FNDC3B: variants seen among roughly 807,000 people sequenced by gnomAD.
FNDC3B encodes the protein fibronectin type III domain-containing protein 3B.
Under a neutral mutation model 151.5 loss-of-function variants are expected in FNDC3B, and 12 were observed. That is an observed-to-expected ratio of 0.08 (90% CI 0.05 to 0.13). The LOEUF (loss-of-function observed/expected upper bound fraction) is 0.13, where lower values mean the gene tolerates loss of function less well. Among genes scored for constraint, FNDC3B ranks in the 10% least tolerant of loss-of-function variants. The pLI, the probability that FNDC3B is intolerant of heterozygous loss-of-function variation, is 1.00. For synonymous variants in FNDC3B, 528 were observed against 549.0 expected (o/e 0.96, Z 0.54); for missense variants, 1,214 against 1,505.3 (o/e 0.81, Z 3.20).
chr3:172,262,862 C>A (rs1728718732), intron 6 of FNDC3B, among the ~76,000 whole-genome samples: 1 of 131,412 alleles, frequency 7.6e-6, no homozygotes, highest in Non-Finnish European at 1.5e-5. Flanking sequence ...ATGCCACTGC[C>A]CTTTCGCCTA....
chr3:172,344,535 C>T (rs1249565416), intron 19 of FNDC3B, among the ~76,000 whole-genome samples: 1 of 152,206 alleles, frequency 6.6e-6, no homozygotes. Flanking sequence ...ATATTTTCGA[C>T]AGTTTTTGGA....
chr3:172,261,472 A>G (rs1365453790), intron 6 of FNDC3B, among the ~76,000 whole-genome samples: 1 of 152,244 alleles, frequency 6.6e-6, no homozygotes, highest in East Asian at 1.9e-4. Context: ...AGTCTATACT[A>G]CAAATATGTT....
intron 2 of FNDC3B, among the ~76,000 whole-genome samples, chr3:172,125,550 C>T (rs1340547030): frequency 6.6e-6 from 1 of 152,082 alleles, no homozygotes; most frequent in Non-Finnish European, 1.5e-5. Context: ...CTTTTGCCTA[C>T]CTTTTCTTCC....
At chr3:172,105,310 G>A (rs2108528619) in intron 1 of FNDC3B, among the ~76,000 whole-genome samples, 1 of 152,056 alleles carries the variant, frequency 6.6e-6, no homozygotes, top group East Asian at 1.9e-4. Flanking sequence ...CTGCAGTCAA[G>A]GCACAAACCA....
intron 1 of FNDC3B, among the ~76,000 whole-genome samples, chr3:172,092,674 A>G (rs1360463870): frequency 6.6e-6 from 1 of 152,244 alleles, no homozygotes; most frequent in Admixed American, 6.5e-5. Flanking sequence ...CGACCTGGAC[A>G]GAACTGTGGG....
chr3:172,073,431 T>A (rs1717873622), intron 1 of FNDC3B, among the ~76,000 whole-genome samples: 1 of 152,230 alleles, frequency 6.6e-6, no homozygotes, highest in Admixed American at 6.5e-5. Context: ...ACACACTTCG[T>A]TCCTGGCTGC....
intron 3 of FNDC3B, among the ~76,000 whole-genome samples, chr3:172,207,592 T>TCCATGGGCGG (rs1725495363): frequency 1.3e-5 from 2 of 152,202 alleles, no homozygotes; most frequent in South Asian, 4.1e-4. Context: ...TGCTGATTGG[T>TCCATGGGCGG]CCATGGGCGG....
Position 172,175,655 on chromosome 3 carries a change from G to A in FNDC3B, c.187+42109G>A, listed in dbSNP as rs186404452. Reference sequence around the variant, plus strand: ...TTTGATGTAGATTCTGCCCTTAAAGGGGTTTAAGTAAAATCTAGAAGCAGA... The same window carrying A: ...TTTGATGTAGATTCTGCCCTTAAAGAGGTTTAAGTAAAATCTAGAAGCAGA... On this transcript the variant is annotated intron_variant, in intron 3 of 25. Transcript: ENST00000415807. Among the ~76,000 whole-genome samples the A allele has an allele frequency of 1.4e-3, 209 of 152,226 alleles. 2 individuals carry two copies. The highest frequency in any genetic ancestry group is 4.9e-3 in the African/African-American group (204 of 41,542).
chr3:172,050,731 GTGTA>G (rs1319087754), intron 1 of FNDC3B, among the ~76,000 whole-genome samples: 6 of 122,202 alleles, frequency 4.9e-5, no homozygotes, highest in Non-Finnish European at 7.2e-5. Context: ...GTGTGTGTGT[GTGTA>G]TAGTGTGTAT....
intron 3 of FNDC3B, among the ~76,000 whole-genome samples, chr3:172,171,664 T>C (rs553691914): frequency 6.6e-6 from 1 of 151,836 alleles, no homozygotes; most frequent in African/African-American, 2.4e-5. Context: ...TTCCAGTTCT[T>C]TACAGCTGAG....
chr3:172,281,218 T>C (rs796708358), intron 6 of FNDC3B, among the ~76,000 whole-genome samples: 4 of 72,496 alleles, frequency 5.5e-5, no homozygotes, highest in African/African-American at 2.1e-4. Context: ...ATTATTTATA[T>C]TTATTTATTT....
At chr3:172,239,799 G>A (rs1426045727) in intron 4 of FNDC3B, among the ~76,000 whole-genome samples, 9 of 126,554 alleles carry the variant, frequency 7.1e-5, no homozygotes, top group African/African-American at 1.7e-4. Context: ...AAGAAAAAAA[G>A]CAAATAACAA....
chr3:172,054,869 A>G (rs549938697), intron 1 of FNDC3B, among the ~76,000 whole-genome samples: 53 of 152,316 alleles, frequency 3.5e-4, no homozygotes, highest in African/African-American at 1.2e-3. Context: ...GCAGATTACC[A>G]TAGCACTCAA....
At chr3:172,066,047 C>T (rs539379222) in intron 1 of FNDC3B, among the ~76,000 whole-genome samples, 2 of 152,190 alleles carry the variant, frequency 1.3e-5, no homozygotes, top group African/African-American at 4.8e-5. Context: ...TAGAGATACA[C>T]CAAGACCATT....
chr3:172,118,644 TAGAA>T (rs1421212433), intron 2 of FNDC3B, among the ~76,000 whole-genome samples: 1 of 152,174 alleles, frequency 6.6e-6, no homozygotes, highest in Non-Finnish European at 1.5e-5. Context: ...AGCTAGAAAG[TAGAA>T]AGAGGCTGGT....
chr3:172,297,505 T>C (rs909577321), intron 8 of FNDC3B, among the ~76,000 whole-genome samples: 38 of 152,228 alleles, frequency 2.5e-4, no homozygotes, highest in African/African-American at 5.1e-4. Context: ...GACAGAGTCT[T>C]GCTCTGTCGC....
chr3:172,102,406 T>C (rs1048492567), intron 1 of FNDC3B, among the ~76,000 whole-genome samples: 14 of 152,276 alleles, frequency 9.2e-5, no homozygotes, highest in African/African-American at 3.4e-4. Flanking sequence ...ATTTTTTTTT[T>C]CTTCTATTCA....
intron 3 of FNDC3B, among the ~76,000 whole-genome samples, chr3:172,184,602 G>A (rs1336966318): frequency 1.3e-5 from 2 of 152,182 alleles, no homozygotes; most frequent in African/African-American, 4.8e-5. Context: ...TGGTGTATCA[G>A]TGTGAAAACC....
intron 23 of FNDC3B, 149 bp from the exon 24 acceptor site, chr3:172,378,121 C>T (rs1735246539): frequency 3.5e-6 from 2 of 578,172 alleles, no homozygotes; most frequent in South Asian, 2.8e-5. Context: ...AAGCTTAACC[C>T]TAATGTAGCA....
Sources: allele counts gnomAD v4.1 joint callset (sites outside exome capture counted in the v4.1 genomes callset), GRCh38; gene constraint gnomAD v4.1.1; transcripts MANE v1.5; gene names NCBI Gene and HGNC (gene_info 2026-07-23, HGNC 2026-07-21).